SDK1: variants seen among roughly 807,000 people sequenced by gnomAD.
SDK1 encodes the protein protein sidekick-1.
In SDK1, 157 loss-of-function variants were observed where a neutral mutation model predicts 245.5. The ratio of observed to expected loss-of-function variants is 0.64; its 90% confidence interval spans 0.56 to 0.73. The LOEUF is 0.73. Ranked by LOEUF, SDK1 falls within the 30% of genes least tolerant of loss-of-function variation. The pLI, the probability that SDK1 is intolerant of heterozygous loss-of-function variation, is 0.00. For synonymous variants in SDK1, 1,647 were observed against 1,278.5 expected (o/e 1.29, Z -6.15); for missense variants, 3,583 against 3,002.3 (o/e 1.19, Z -4.52).
At chr7:3,448,103 A>G (rs191289981) in intron 1 of SDK1, among the ~76,000 whole-genome samples, 22 of 152,312 alleles carry the variant, frequency 1.4e-4, no homozygotes, top group Admixed American at 8.5e-4. Flanking sequence ...TTAACATTGT[A>G]TAGATATTAG....
chr7:3,461,570 A>G (rs536015516), intron 1 of SDK1, among the ~76,000 whole-genome samples: 19 of 152,294 alleles, frequency 1.2e-4, no homozygotes, highest in African/African-American at 4.3e-4. Flanking sequence ...AAAAATCTGG[A>G]TTAGAATCCT....
At chr7:4,138,870 T>A (rs972719066) in intron 28 of SDK1, among the ~76,000 whole-genome samples, 1 of 152,052 alleles carries the variant, frequency 6.6e-6, no homozygotes, top group Non-Finnish European at 1.5e-5. Flanking sequence ...GGCAGCATGG[T>A]CCTCCTGCAG....
At chr7:4,127,895 T>C (rs1784497654) in intron 26 of SDK1, among the ~76,000 whole-genome samples, 1 of 151,872 alleles carries the variant, frequency 6.6e-6, no homozygotes, top group African/African-American at 2.4e-5. Flanking sequence ...ATTCAGGGGG[T>C]CTTTTACACA....
At chr7:3,510,794 G>A (rs535936719) in intron 1 of SDK1, among the ~76,000 whole-genome samples, 3 of 152,156 alleles carry the variant, frequency 2.0e-5, no homozygotes, top group Non-Finnish European at 4.4e-5. Flanking sequence ...TCCAAGACAG[G>A]CCTGGATACG....
In SDK1 at chr7:3,301,514, C is replaced by A; in HGVS notation, c.-73C>A. 1 of 515,294 alleles carries A rather than the reference C, an allele frequency of 1.9e-6. No individual in the cohort carries two copies. The highest frequency in any genetic ancestry group is 2.5e-6 in the Non-Finnish European group (1 of 404,248). 31.9% of individuals were successfully genotyped at this position (515,294 alleles called of 1,614,324 possible). On this transcript the variant is annotated 5_prime_UTR_variant, in exon 1 of 45. Coordinates refer to ENST00000404826, the MANE Select transcript of SDK1 (RefSeq NM_152744.4). ...CGCGCCTCCCGCGGAGTGGCCGCGCCCGCTCGGAGCCGTCCCGCCTGTCCT... is the reference window on the plus strand; with the variant it reads ...CGCGCCTCCCGCGGAGTGGCCGCGCACGCTCGGAGCCGTCCCGCCTGTCCT...
At chr7:3,552,287 C>G (rs1009880892) in intron 1 of SDK1, among the ~76,000 whole-genome samples, 1 of 152,114 alleles carries the variant, frequency 6.6e-6, no homozygotes, top group African/African-American at 2.4e-5. Flanking sequence ...GTGATCCACC[C>G]GCCTTGGCCT....
At chr7:4,061,231 G>T (rs925280228) in intron 19 of SDK1, among the ~76,000 whole-genome samples, 1 of 151,872 alleles carries the variant, frequency 6.6e-6, no homozygotes, top group African/African-American at 2.4e-5. Context: ...ATTACCTTGG[G>T]CAGTATGGCC....
intron 5 of SDK1, among the ~76,000 whole-genome samples, chr7:3,899,913 C>T (rs1781727506): frequency 6.6e-6 from 1 of 152,252 alleles, no homozygotes; most frequent in South Asian, 2.1e-4. Context: ...GTGTGGAAAT[C>T]ACAGTTCTTA....
At chr7:3,438,262 G>A (rs1213637748) in intron 1 of SDK1, among the ~76,000 whole-genome samples, 1 of 152,124 alleles carries the variant, frequency 6.6e-6, no homozygotes, top group Non-Finnish European at 1.5e-5. Flanking sequence ...TATGACTTCT[G>A]CATAAAAACA....
chr7:3,869,150 T>TTAC (rs1348241982), intron 5 of SDK1, among the ~76,000 whole-genome samples: 1 of 147,924 alleles, frequency 6.8e-6, no homozygotes, highest in Non-Finnish European at 1.5e-5. Flanking sequence ...GTATTTTTCA[T>TTAC]TTCTTTTTTT....
chr7:3,556,676 G>T (rs1779596304), intron 1 of SDK1, among the ~76,000 whole-genome samples: 1 of 152,012 alleles, frequency 6.6e-6, no homozygotes, highest in African/African-American at 2.4e-5. Context: ...CAAAAATTAA[G>T]CCAGGTGTGG....
At chr7:3,530,154 C>A (rs1367447560) in intron 1 of SDK1, among the ~76,000 whole-genome samples, 1 of 152,062 alleles carries the variant, frequency 6.6e-6, no homozygotes, top group African/African-American at 2.4e-5. Context: ...ATAAAAAGGA[C>A]CCATTATATT....
intron 5 of SDK1, among the ~76,000 whole-genome samples, chr7:3,939,957 A>G (rs1303920894): frequency 6.6e-6 from 1 of 152,270 alleles, no homozygotes; most frequent in Non-Finnish European, 1.5e-5. Context: ...CACCCAGCCC[A>G]TGAAAAACCA....
intron 1 of SDK1, among the ~76,000 whole-genome samples, chr7:3,369,818 TATTAAG>T (rs1289460833): frequency 6.6e-6 from 1 of 152,200 alleles, no homozygotes; most frequent in African/African-American, 2.4e-5. Flanking sequence ...ATTTTTCACT[TATTAAG>T]AGTAAATATG....
intron 1 of SDK1, among the ~76,000 whole-genome samples, chr7:3,438,793 A>G: frequency 6.7e-6 from 1 of 149,708 alleles, no homozygotes; most frequent in Non-Finnish European, 1.5e-5. Flanking sequence ...AAAAGTTTAT[A>G]CTTTACTAAG....
intron 5 of SDK1, among the ~76,000 whole-genome samples, chr7:3,852,075 G>C (rs1487580733): frequency 6.6e-6 from 1 of 152,114 alleles, no homozygotes; most frequent in Non-Finnish European, 1.5e-5. Context: ...GGTCTGCTTT[G>C]TGCAGAGCAG....
intron 14 of SDK1, among the ~76,000 whole-genome samples, chr7:4,001,538 C>T (rs1785074503): frequency 6.6e-6 from 1 of 152,214 alleles, no homozygotes; most frequent in Non-Finnish European, 1.5e-5. Flanking sequence ...ATCATTTGGG[C>T]TGCATCCATT....
intron 4 of SDK1, among the ~76,000 whole-genome samples, chr7:3,683,468 T>G (rs1479970810): frequency 6.6e-6 from 1 of 152,040 alleles, no homozygotes; most frequent in Non-Finnish European, 1.5e-5. Flanking sequence ...TTATAATGAT[T>G]TTTATGTAAT....
chr7:3,420,439 T>C (rs1051272936), intron 1 of SDK1, among the ~76,000 whole-genome samples: 6 of 152,236 alleles, frequency 3.9e-5, no homozygotes, highest in African/African-American at 1.4e-4. Flanking sequence ...ATCATTTTAC[T>C]GTATATGAAA....
Sources: gnomAD v4.1 joint callset for allele counts (sites outside exome capture counted in the v4.1 genomes callset) on GRCh38, gnomAD v4.1.1 for gene constraint, MANE v1.5 for transcripts, NCBI Gene and HGNC (gene_info 2026-07-23, HGNC 2026-07-21) for gene names.